The following STK32B variants were observed in gnomAD, a reference collection of about 807,000 sequenced individuals.
The protein encoded by STK32B is serine/threonine kinase 32B.
Under a neutral mutation model 52.6 loss-of-function variants are expected in STK32B, and 43 were observed. The ratio of observed to expected loss-of-function variants is 0.82; its 90% CI spans 0.64 to 1.05. STK32B has a LOEUF of 1.05. Among genes scored for constraint, STK32B ranks in the 50% least tolerant of loss-of-function variants. The pLI is 0.00. For missense variants in STK32B, 621 were observed against 534.6 expected, an observed-to-expected ratio of 1.16 and a Z score of -1.59; for synonymous variants, 238 against 204.3, an observed-to-expected ratio of 1.17 and a Z score of -1.41.
chr4:5,023,366 G>C, the STK32B span, among the ~76,000 whole-genome samples: 1 of 152,190 alleles, frequency 6.6e-6, no homozygotes, highest in African/African-American at 2.4e-5. Flanking sequence ...CTACCTGCCT[G>C]CTGCTTATCC....
intron 3 of STK32B, among the ~76,000 whole-genome samples, chr4:5,244,309 G>C (rs1351597839): frequency 6.6e-6 from 1 of 152,118 alleles, no homozygotes; most frequent in African/African-American, 2.4e-5. Context: ...TCTTGGGAGG[G>C]TGTATGTGTT....
intron 11 of STK32B, among the ~76,000 whole-genome samples, chr4:5,491,859 T>C (rs563847600): frequency 6.6e-6 from 1 of 152,332 alleles, no homozygotes; most frequent in African/African-American, 2.4e-5. Flanking sequence ...TGCTTGTTTT[T>C]CTCAGGTTTG....
At chr4:5,480,704 G>T (rs894833383) in intron 11 of STK32B, among the ~76,000 whole-genome samples, 1 of 151,946 alleles carries the variant, frequency 6.6e-6, no homozygotes, top group Non-Finnish European at 1.5e-5. Flanking sequence ...TTAACATTAG[G>T]TATATCTCCT....
At chr4:5,106,171 G>T (rs980481540) in intron 1 of STK32B, among the ~76,000 whole-genome samples, 1 of 151,970 alleles carries the variant, frequency 6.6e-6, no homozygotes, top group Non-Finnish European at 1.5e-5. Flanking sequence ...GCATGGTGGT[G>T]TGTGCCTGTG....
chr4:5,375,137 C>T (rs550271102), intron 4 of STK32B, among the ~76,000 whole-genome samples: 5 of 152,168 alleles, frequency 3.3e-5, no homozygotes, highest in Non-Finnish European at 7.4e-5. Context: ...ACTCCAGGCG[C>T]CCAGCCTGCC....
chr4:5,452,984 G>T (rs1457746297), intron 7 of STK32B, among the ~76,000 whole-genome samples: 1 of 152,100 alleles, frequency 6.6e-6, no homozygotes, highest in Non-Finnish European at 1.5e-5. Flanking sequence ...ACAGGATATT[G>T]ATCTTAATAT....
At chr4:5,104,198 T>C (rs1713976724) in intron 1 of STK32B, among the ~76,000 whole-genome samples, 1 of 152,148 alleles carries the variant, frequency 6.6e-6, no homozygotes, top group Non-Finnish European at 1.5e-5. Context: ...TGGGGGTGGT[T>C]TCCCCCATAC....
At chr4:5,202,151 T>G (rs1424796345) in intron 3 of STK32B, among the ~76,000 whole-genome samples, 1 of 152,220 alleles carries the variant, frequency 6.6e-6, no homozygotes, top group Non-Finnish European at 1.5e-5. Context: ...AGGTAGATGT[T>G]CCTGTTCCAA....
chr4:5,093,937 T>A (rs1340535284), intron 1 of STK32B, among the ~76,000 whole-genome samples: 1 of 152,190 alleles, frequency 6.6e-6, no homozygotes, highest in African/African-American at 2.4e-5. Flanking sequence ...AAGAAAAAGT[T>A]GAATTGCTTG....
chr4:5,198,506 G>A (rs1721877475), intron 3 of STK32B, among the ~76,000 whole-genome samples: 1 of 152,152 alleles, frequency 6.6e-6, no homozygotes, highest in African/African-American at 2.4e-5. Flanking sequence ...TGTTCGAGTT[G>A]GGTACTGAAG....
At chr4:5,072,163 T>G (rs1711823654) in intron 1 of STK32B, among the ~76,000 whole-genome samples, 1 of 152,192 alleles carries the variant, frequency 6.6e-6, no homozygotes, top group East Asian at 1.9e-4. Flanking sequence ...AAAGTAATAG[T>G]TATTTAAAAT....
chr4:5,042,646 G>A, the STK32B span, among the ~76,000 whole-genome samples: 2 of 152,324 alleles, frequency 1.3e-5, no homozygotes, highest in East Asian at 1.9e-4. Flanking sequence ...AAAGGGGAGC[G>A]AGGTAGAGTT....
At chr4:5,403,979 C>T (rs773556231) in intron 5 of STK32B, among the ~76,000 whole-genome samples, 1 of 151,606 alleles carries the variant, frequency 6.6e-6, no homozygotes, top group Admixed American at 6.6e-5. Flanking sequence ...AGCTGTTCTA[C>T]GTGTCCTGGG....
the STK32B span, among the ~76,000 whole-genome samples, chr4:5,043,328 A>G: frequency 2.6e-5 from 4 of 152,198 alleles, no homozygotes; most frequent in African/African-American, 9.7e-5. Context: ...TCTACTTGCA[A>G]GAGTTAAGAA....
At chr4:5,185,233 G>A (rs1400356768) in intron 3 of STK32B, among the ~76,000 whole-genome samples, 1 of 152,158 alleles carries the variant, frequency 6.6e-6, no homozygotes, top group African/African-American at 2.4e-5. Context: ...GTTTAAAACC[G>A]GAGGAGGGAG....
chr4:5,307,684 T>C (rs929112538), intron 3 of STK32B, among the ~76,000 whole-genome samples: 3 of 151,990 alleles, frequency 2.0e-5, no homozygotes, highest in Non-Finnish European at 2.9e-5. Flanking sequence ...CTTTTGGGAG[T>C]GTTAGAGAAC....
rs117282981 is a variant in STK32B at position 5,292,730 on chromosome 4, A to G, written c.261-38490A>G. 1.3e-3 allele frequency among the ~76,000 whole-genome samples: 194 copies of G among 152,112 alleles called. 7 individuals are homozygous for G. In the East Asian group the frequency reaches 0.031, roughly 24 times the overall value. On this transcript the variant is annotated intron_variant, in intron 3 of 11. Coordinates refer to ENST00000282908, the MANE Select transcript of STK32B (RefSeq NM_018401.3). ...TAGTGATAAACTTTTGCCTAGGCCA[A>G]TGTCCAGCAGAGTATTTCCTAGGTT... is the stretch of plus-strand genomic sequence containing the variant.
chr4:5,317,266 A>AACATATC lies in STK32B; in HGVS notation c.261-13954_261-13953insACATATC, dbSNP rs1560313574. ...ATATTATATATAACATATAACATAT[A>AACATATC]TATAATATATAACATATAACATATA... On this transcript the variant is annotated intron_variant, in intron 3 of 11. Coordinates refer to ENST00000282908, the MANE Select transcript of STK32B (RefSeq NM_018401.3). 5.5e-5 allele frequency among the ~76,000 whole-genome samples: 3 copies of AACATATC among 54,738 alleles called. 1 individual carries two copies. Among genetic ancestry groups the AACATATC allele is most frequent in the African/African-American group, 3.8e-4 (3 of 7,828 alleles). 35.9% of individuals were successfully genotyped at this position (54,738 alleles called of 152,430 possible). A position where few individuals can be genotyped will look rare whatever the true frequency, so the allele number is the denominator to read the frequency against.
intron 3 of STK32B, among the ~76,000 whole-genome samples, chr4:5,238,339 T>C (rs993712480): frequency 2.0e-5 from 3 of 152,114 alleles, no homozygotes; most frequent in Admixed American, 6.5e-5. Flanking sequence ...CTTGCCTCCT[T>C]CTTCATAAGG....
Sources: allele counts gnomAD v4.1 joint callset (sites outside exome capture counted in the v4.1 genomes callset), GRCh38; gene constraint gnomAD v4.1.1; transcripts MANE v1.5; gene names NCBI Gene and HGNC (gene_info 2026-07-23, HGNC 2026-07-21).